The following CHID1 variants were observed in gnomAD, a reference collection of about 807,000 sequenced individuals.
CHID1 encodes the protein chitinase domain containing 1, also known as chitinase domain-containing protein 1.
CHID1 carries 44 observed loss-of-function variants against 55.4 expected under a neutral mutation model. The ratio of observed to expected loss-of-function variants is 0.79; its 90% CI spans 0.62 to 1.02. CHID1 has a LOEUF of 1.02. Among genes scored for constraint, CHID1 ranks in the 50% least tolerant of loss-of-function variants. The pLI, the probability that CHID1 is intolerant of heterozygous loss-of-function variation, is 0.00. For synonymous variants in CHID1, 216 were observed against 212.9 expected, an observed-to-expected ratio of 1.01 and a Z score of -0.13; for missense variants, 491 against 515.3, an observed-to-expected ratio of 0.95 and a Z score of 0.46.
intron 1 of CHID1, among the ~76,000 whole-genome samples, 183 bp from the exon 2 acceptor site, chr11:905,042 A>G (rs1852109779): frequency 6.6e-6 from 1 of 152,190 alleles, no homozygotes; most frequent in African/African-American, 2.4e-5. Context: ...TCTATTCTCC[A>G]GTACTCCTGG....
rs911797724 is a variant in CHID1 at position 908,585 on chromosome 11, A to C, written c.-44+2190T>G. On this transcript the variant is annotated intron_variant, in intron 1 of 12. Coordinates refer to ENST00000323578, the MANE Select transcript of CHID1 (RefSeq NM_023947.4). ...TGGCTGCCTCAGCTCCCAGGCACCC[A>C]GTCTTTGACCCCAGCCCATTCCATG... 3.2e-5 allele frequency: 32 copies of C among 985,382 alleles called. No homozygotes were observed. The African/African-American group carries it at 5.2e-4, about 16-fold the overall frequency. 61.0% of individuals were successfully genotyped at this position (985,382 alleles called of 1,614,324 possible).
At chr11:891,853 C>T (rs58628680) in intron 8 of CHID1, among the ~76,000 whole-genome samples, 12,920 of 150,310 alleles carry the variant, frequency 0.086, 623 homozygotes, top group Middle Eastern at 0.18. Flanking sequence ...AGGCTGGCCA[C>T]GGTGGCTTGG....
intron 7 of CHID1, 74 bp downstream of exon 7, chr11:899,266 T>C (rs1851622921): frequency 1.4e-6 from 2 of 1,453,426 alleles, no homozygotes; most frequent in Non-Finnish European, 1.9e-6. Context: ...CCCAAACCCC[T>C]GGTCTTTCCT....
At chr11:873,187 TA>T (rs753306217) in intron 10 of CHID1, among the ~76,000 whole-genome samples, 9 of 151,634 alleles carry the variant, frequency 5.9e-5, no homozygotes, top group Non-Finnish European at 1.2e-4. Flanking sequence ...CCACCCGGTA[TA>T]GGGGCGGGGC....
At position 870,446 on chromosome 11, in the gene CHID1, G is replaced by A. The variant is rs6682; in HGVS notation, c.1013C>T (p.Ala338Val). ...CTTGTACTCGAAGAAGTGCTCTGAG[G>A]CCTGGCTGTCCCACACCATCCGGGG... ...HRPRMVWDSQ[A>V]SEHFFEYKKS... The change falls in exon 11 of 13, where the codon GCC (alanine) becomes GTC (valine). Residue 338 changes from alanine (A) to valine (V), a missense_variant. By Grantham distance (64) the Ala-to-Val change is moderately conservative. Transcript: ENST00000323578. The A allele has an allele frequency of 0.51, 820,863 of 1,606,730 alleles. 214,836 individuals carry two copies. Among genetic ancestry groups the A allele is most frequent in the South Asian group, 0.74 (67,358 of 90,682 alleles).
chr11:912,822 A>T (rs1166294765), upstream of CHID1, among the ~76,000 whole-genome samples: 3 of 144,174 alleles, frequency 2.1e-5, no homozygotes, highest in Non-Finnish European at 4.5e-5. Flanking sequence ...TGGGCGACAG[A>T]GTGAGACTCT....
At chr11:878,748 C>A (rs1039433573) in intron 10 of CHID1, among the ~76,000 whole-genome samples, 1 of 151,790 alleles carries the variant, frequency 6.6e-6, no homozygotes, top group Non-Finnish European at 1.5e-5. Flanking sequence ...GTTGCCCAGG[C>A]TGGAGTGCAA....
chr11:901,051 GGAA>G, intron 4 of CHID1, 71 bp from the exon 5 acceptor site: 3 of 1,427,586 alleles, frequency 2.1e-6, no homozygotes, highest in Non-Finnish European at 1.9e-6. Flanking sequence ...TACCTGAGGA[GGAA>G]AACGTGGCAG....
chr11:882,217 T>G (rs1423498286), intron 10 of CHID1: 1 of 152,128 alleles, frequency 6.6e-6, no homozygotes, highest in African/African-American at 2.4e-5. Flanking sequence ...CCCAGCTACT[T>G]GGGAGGCTGA....
chr11:881,651 A>G lies in CHID1; in HGVS notation c.959+1497T>C, dbSNP rs7125283. ...GTCGGGCGGTAGGTTGGGTGGTGAG[A>G]GAAATGACCACGTCGGGCTCAGGAT... On this transcript the variant is annotated intron_variant, in intron 10 of 12. Transcript: ENST00000323578. 2.0e-4 allele frequency among the ~76,000 whole-genome samples: 5 copies of G among 24,720 alleles called. 2 individuals are homozygous for G. Among genetic ancestry groups the G allele is most frequent in the East Asian group, 9.0e-3 (2 of 222 alleles). The allele number at this position is 24,720 out of a possible 152,430, so 16.2% of individuals were successfully genotyped here.
In CHID1 at chr11:875,387, G is replaced by C. The variant is rs903898873; in HGVS notation, c.960-4888C>G. On this transcript the variant is annotated intron_variant, in intron 10 of 12. Transcript: ENST00000323578. The surrounding 1 kb of genome is among the most constrained non-coding windows in gnomAD (Gnocchi z 4.7). The stretch of plus-strand genomic sequence containing the variant: ...CCCGCTCGGGGAGGCGGGCGTGGCT[G>C]GGCCCGCAGGTAATGCCAGCCAGTC... Among the ~76,000 whole-genome samples the C allele has an allele frequency of 6.6e-6, 1 of 152,226 alleles. No homozygotes were observed. Among genetic ancestry groups the C allele is most frequent in the Non-Finnish European group, 1.5e-5 (1 of 68,046 alleles).
chr11:900,164 C>G (rs1288654461), intron 5 of CHID1, 54 bp from the exon 6 acceptor site: 1 of 1,442,596 alleles, frequency 6.9e-7, no homozygotes, highest in Non-Finnish European at 9.7e-7. Flanking sequence ...GCTGGAGGGC[C>G]CCTGCTGTTT....
intron 10 of CHID1, chr11:870,899 CTGCTGGCCCTGG>C (rs1849134404): frequency 4.9e-6 from 1 of 204,860 alleles, no homozygotes; most frequent in African/African-American, 2.3e-5. Context: ...CCTGGCCCCG[CTGCTGGCCCTGG>C]ACTGATGGGC....
chr11:910,513 C>A, intron 1 of CHID1: 1 of 841,998 alleles, frequency 1.2e-6, no homozygotes, highest in Non-Finnish European at 1.5e-6. Context: ...CCCCCCGACA[C>A]GCGCCCCCGT....
intron 10 of CHID1, among the ~76,000 whole-genome samples, chr11:877,404 G>A (rs986281048): frequency 2.6e-5 from 4 of 152,148 alleles, no homozygotes; most frequent in African/African-American, 9.7e-5. Flanking sequence ...CCACCATACC[G>A]GCTAATTTGT....
At chr11:884,259 A>C (rs1347911413) in intron 8 of CHID1, 90 bp from the exon 9 acceptor site, 2 of 899,884 alleles carry the variant, frequency 2.2e-6, no homozygotes, top group African/African-American at 1.7e-5. Context: ...CCTGTAGGGG[A>C]CTTGGGTCAC....
chr11:872,397 A>AT (rs1849238969), intron 10 of CHID1, among the ~76,000 whole-genome samples: 1 of 152,128 alleles, frequency 6.6e-6, no homozygotes, highest in African/African-American at 2.4e-5. Flanking sequence ...ACCTCAAGTG[A>AT]CTGCCTGCCT....
upstream of CHID1, chr11:914,288 T>C: frequency 9.2e-6 from 2 of 216,806 alleles, no homozygotes; most frequent in Non-Finnish European, 1.9e-5. Context: ...CAGCCCCCAT[T>C]CCCAGCCCTC....
intron 10 of CHID1, among the ~76,000 whole-genome samples, chr11:877,319 G>A (rs1589825674): frequency 1.3e-5 from 2 of 152,352 alleles, no homozygotes; most frequent in South Asian, 4.1e-4. Context: ...GCCCAGACTG[G>A]AGTGCAGTGC....
Sources: gnomAD v4.1 joint callset for allele counts (sites outside exome capture counted in the v4.1 genomes callset) on GRCh38, gnomAD v4.1.1 for gene constraint, Gnocchi (gnomAD v3.1) non-coding constraint, MANE v1.5 for transcripts, NCBI Gene and HGNC (gene_info 2026-07-23, HGNC 2026-07-21) for gene names.